The following PTPRZ1 variants were observed in gnomAD, a reference collection of about 807,000 sequenced individuals.
PTPRZ1 encodes the protein receptor-type tyrosine-protein phosphatase zeta.
A neutral mutation model predicts 214.1 loss-of-function variants in PTPRZ1; 82 were observed. The ratio of observed to expected loss-of-function variants is 0.38; its 90% CI spans 0.32 to 0.46. The LOEUF is 0.46. PTPRZ1 is among the 20% of genes least tolerant of loss of function. The pLI is 1.00. For synonymous variants in PTPRZ1, 945 were observed against 987.9 expected (o/e 0.96, Z 0.81); for missense variants, 2,603 against 2,748.7 (o/e 0.95, Z 1.19).
At chr7:122,020,840 T>TC (rs398095344) in intron 13 of PTPRZ1, among the ~76,000 whole-genome samples, 149 of 152,214 alleles carry the variant, frequency 9.8e-4, no homozygotes, top group African/African-American at 2.9e-3. Flanking sequence ...TTTTTTTTTT[T>TC]GCTAAAGGGT....
At chr7:122,046,243 C>CTG (rs1237617715) in intron 23 of PTPRZ1, among the ~76,000 whole-genome samples, 3 of 151,920 alleles carry the variant, frequency 2.0e-5, no homozygotes, top group Non-Finnish European at 4.4e-5. Context: ...GAGCAAGACC[C>CTG]TGTCTCTATA....
rs1792593994 is a variant in PTPRZ1, at chr7:122,061,999, C to T, written c.*779C>T. ...AAACATTGTTCAAATGGTTTTTATC[C>T]AAGGAATTGCAAAAATAAATATAAA... On this transcript the variant is annotated 3_prime_UTR_variant, in exon 30 of 30. Transcript: ENST00000393386. 1 of 152,434 alleles carries T rather than the reference C, an allele frequency of 6.6e-6. No individual in the cohort carries two copies. The highest frequency in any genetic ancestry group is 2.4e-5 in the African/African-American group (1 of 41,352). The allele number at this position is 152,434 out of a possible 1,614,324, so 9.4% of individuals were successfully genotyped here.
At chr7:122,057,979 C>T (rs199741563) in intron 27 of PTPRZ1, among the ~76,000 whole-genome samples, 11 of 147,032 alleles carry the variant, frequency 7.5e-5, no homozygotes, top group African/African-American at 2.8e-4. Context: ...TATATATATA[C>T]ATATATATAT....
intron 11 of PTPRZ1, among the ~76,000 whole-genome samples, chr7:122,009,988 G>T (rs1798598220): frequency 6.6e-6 from 1 of 151,916 alleles, no homozygotes; most frequent in East Asian, 1.9e-4. Flanking sequence ...GATGAACAAA[G>T]AAATATAAAA....
chr7:121,985,827 A>G (rs1402762209), intron 8 of PTPRZ1, among the ~76,000 whole-genome samples: 1 of 152,208 alleles, frequency 6.6e-6, no homozygotes, highest in Non-Finnish European at 1.5e-5. Context: ...CATAGCAGTT[A>G]CCACATTATG....
intron 1 of PTPRZ1, among the ~76,000 whole-genome samples, chr7:121,900,225 A>G (rs1007784): frequency 0.61 from 93,332 of 151,910 alleles, 30,864 homozygotes; most frequent in African/African-American, 0.86. Flanking sequence ...CTGAAGACAC[A>G]AGGTCATAAA....
chr7:122,006,391 C>A (rs1317167545), intron 11 of PTPRZ1, among the ~76,000 whole-genome samples: 1 of 152,022 alleles, frequency 6.6e-6, no homozygotes, highest in Non-Finnish European at 1.5e-5. Flanking sequence ...CTGCCTGTCG[C>A]CCCCTCGCCA....
Position 122,011,829 on chromosome 7 carries a change from A to C in PTPRZ1, c.2783A>C (p.Tyr928Ser), listed in dbSNP as rs1291319559. 3.1e-6 allele frequency: 5 copies of C among 1,613,850 alleles called. No homozygotes were observed. The highest frequency in any genetic ancestry group is 4.2e-6 in the Non-Finnish European group (5 of 1,179,860). ...CGTTCTTCAGGGCCTGAACCTTCTT[A>C]TGCCTTGTCTGATAATGAGGGCTCC... ...HARSSGPEPS[Y>S]ALSDNEGSQH... Residue 928 changes from tyrosine (Y) to serine (S), a missense_variant, in exon 12 of 30, where the codon TAT (tyrosine) becomes TCT (serine). Tyr to Ser is a moderately radical substitution (Grantham distance 144). This residue lies in a region of PTPRZ1 where 1,913 missense variants were observed against 1,914.3 expected (regional missense o/e 1.00). Coordinates refer to ENST00000393386, the MANE Select transcript of PTPRZ1 (RefSeq NM_002851.3).
chr7:121,930,917 C>T (rs950386832), intron 2 of PTPRZ1, among the ~76,000 whole-genome samples: 1 of 152,040 alleles, frequency 6.6e-6, no homozygotes, highest in Non-Finnish European at 1.5e-5. Flanking sequence ...TAGAGTGCAT[C>T]CCTAACCATG....
At position 122,000,215 on chromosome 7, in the gene PTPRZ1, G is replaced by A. The variant is rs535390670; in HGVS notation, c.1240+2209G>A. 1.7e-3 allele frequency among the ~76,000 whole-genome samples: 257 copies of A among 152,208 alleles called. 1 individual carries two copies. Among genetic ancestry groups the A allele is most frequent in the Non-Finnish European group, 3.0e-3 (202 of 67,984 alleles). ...AAAGAAAAGATTGGTTCTCTTAGGA[G>A]TTACTCTTTCTGATCTGAAAGGCTG... is the stretch of plus-strand genomic sequence containing the variant. On this transcript the variant is annotated intron_variant, in intron 10 of 29. Coordinates refer to ENST00000393386, the MANE Select transcript of PTPRZ1 (RefSeq NM_002851.3).
chr7:121,916,314 C>G (rs1795425720), intron 1 of PTPRZ1, among the ~76,000 whole-genome samples: 1 of 151,402 alleles, frequency 6.6e-6, no homozygotes, highest in Admixed American at 6.6e-5. Flanking sequence ...TAACCGTTAC[C>G]ATTATCACAT....
chr7:122,021,524 T>A (rs1562867377), intron 13 of PTPRZ1, among the ~76,000 whole-genome samples: 2 of 152,028 alleles, frequency 1.3e-5, no homozygotes, highest in Non-Finnish European at 2.9e-5. Flanking sequence ...CTTGAGGCCG[T>A]GAGTTTGAGA....
At chr7:122,035,137 G>A (rs971375923) in intron 17 of PTPRZ1, among the ~76,000 whole-genome samples, 20 of 152,010 alleles carry the variant, frequency 1.3e-4, no homozygotes, top group African/African-American at 4.8e-4. Flanking sequence ...ATTCAGTGGT[G>A]TGGCCCTTCC....
At chr7:121,969,260 A>C (rs199601506) in intron 3 of PTPRZ1, among the ~76,000 whole-genome samples, 1 of 148,560 alleles carries the variant, frequency 6.7e-6, no homozygotes, top group East Asian at 2.1e-4. Context: ...AAAACAAACA[A>C]ACAAACAAAA....
chr7:122,021,437 T>C (rs1799013479), intron 13 of PTPRZ1, among the ~76,000 whole-genome samples: 1 of 152,054 alleles, frequency 6.6e-6, no homozygotes. Flanking sequence ...GTGTAAAATA[T>C]ATATGAGTAT....
At chr7:121,905,136 A>T (rs10452995) in intron 1 of PTPRZ1, among the ~76,000 whole-genome samples, 8,686 of 152,268 alleles carry the variant, frequency 0.057, 633 homozygotes, top group African/African-American at 0.17. Flanking sequence ...AGATAATTTG[A>T]TTCCATAGCA....
rs149885239 is a variant in PTPRZ1, at chr7:121,987,291, G to A, written c.928+3174G>A. 3.7e-3 allele frequency among the ~76,000 whole-genome samples: 565 copies of A among 152,136 alleles called. 3 individuals are homozygous for A. Among genetic ancestry groups the A allele is most frequent in the African/African-American group, 0.013 (549 of 41,514 alleles). ...ACCCTCATCCCACCCAAGTCTTCAC[G>A]TCTTCTTAAGGCAGGAAAATTAGCT... On this transcript the variant is annotated intron_variant, in intron 8 of 29. Transcript: ENST00000393386.
At chr7:121,932,198 CT>C (rs1361970263) in intron 2 of PTPRZ1, among the ~76,000 whole-genome samples, 1 of 152,108 alleles carries the variant, frequency 6.6e-6, no homozygotes, top group Non-Finnish European at 1.5e-5. Context: ...AAATGAAATT[CT>C]TTATCCAAAT....
intron 6 of PTPRZ1, among the ~76,000 whole-genome samples, chr7:121,978,774 C>T (rs187809518): frequency 1.3e-5 from 2 of 152,322 alleles, no homozygotes; most frequent in African/African-American, 4.8e-5. Flanking sequence ...ACTCATTCAT[C>T]TGGATACTTA....
Sources: gnomAD v4.1 joint callset for allele counts (sites outside exome capture counted in the v4.1 genomes callset) on GRCh38, gnomAD v4.1.1 for gene constraint, gnomAD v4.1.1 regional missense constraint, MANE v1.5 for transcripts, NCBI Gene and HGNC (gene_info 2026-07-23, HGNC 2026-07-21) for gene names.